The following GNAQ variants were observed in gnomAD, a reference collection of about 807,000 sequenced individuals.
GNAQ encodes G protein subunit alpha q.
GNAQ carries 8 observed loss-of-function variants against 43.9 expected under a neutral mutation model. The ratio of observed to expected loss-of-function variants is 0.18; its 90% CI spans 0.11 to 0.33. The LOEUF (loss-of-function observed/expected upper bound fraction) is 0.33. Among genes scored for constraint, GNAQ ranks in the 10% least tolerant of loss-of-function variants. GNAQ has a pLI of 1.00. For missense variants in GNAQ, 158 were observed against 450.8 expected (o/e 0.35, Z 5.88); for synonymous variants, 155 against 170.7 (o/e 0.91, Z 0.71).
rs538799795 is a variant in GNAQ, at chr9:78,018,406, T to C, written c.136+12694A>G. Among the ~76,000 whole-genome samples the C allele has an allele frequency of 2.0e-5, 3 of 152,298 alleles. No individual in the cohort carries two copies. The East Asian group carries it at 5.8e-4, about 29-fold the overall frequency. ...TTAGTTTAGACTGGTATATTTTTGATAAATTTATGAATATTTTAAAAAGTT... is the reference window on the plus strand; with the variant it reads ...TTAGTTTAGACTGGTATATTTTTGACAAATTTATGAATATTTTAAAAAGTT... On this transcript the variant is annotated intron_variant, in intron 1 of 6. Coordinates refer to ENST00000286548, the MANE Select transcript of GNAQ (RefSeq NM_002072.5).
chr9:77,891,876 A>T (rs180834125), intron 2 of GNAQ, among the ~76,000 whole-genome samples: 36 of 152,210 alleles, frequency 2.4e-4, no homozygotes, highest in Admixed American at 2.0e-3. Flanking sequence ...TAAGCAACTA[A>T]TCCTTGTGGA....
At chr9:77,802,025 G>A (rs1255519801) in intron 3 of GNAQ, among the ~76,000 whole-genome samples, 1 of 151,940 alleles carries the variant, frequency 6.6e-6, no homozygotes, top group Non-Finnish European at 1.5e-5. Flanking sequence ...AAATTAACTG[G>A]GTGTGGTGAT....
At chr9:77,945,058 T>C (rs1276347341) in intron 1 of GNAQ, among the ~76,000 whole-genome samples, 1 of 152,150 alleles carries the variant, frequency 6.6e-6, no homozygotes, top group African/African-American at 2.4e-5. Flanking sequence ...ACAGTGCAAC[T>C]TCCTTATTTG....
chr9:78,017,673 T>G (rs556070017), intron 1 of GNAQ, among the ~76,000 whole-genome samples: 7 of 152,286 alleles, frequency 4.6e-5, no homozygotes, highest in African/African-American at 1.7e-4. Flanking sequence ...GATCAACAGT[T>G]TTGGCTTGAT....
chr9:77,926,653 T>C (rs1430689945), intron 1 of GNAQ, among the ~76,000 whole-genome samples: 1 of 152,190 alleles, frequency 6.6e-6, no homozygotes, highest in Non-Finnish European at 1.5e-5. Context: ...AGTCATTTAA[T>C]AACTTTAACA....
At chr9:77,940,565 AC>A (rs1205886419) in intron 1 of GNAQ, among the ~76,000 whole-genome samples, 1 of 148,066 alleles carries the variant, frequency 6.8e-6, no homozygotes, top group African/African-American at 2.5e-5. Context: ...AGCGACAGAG[AC>A]CCTGTCTCTT....
intron 2 of GNAQ, among the ~76,000 whole-genome samples, chr9:77,881,281 G>A (rs1222464474): frequency 1.3e-5 from 2 of 152,238 alleles, no homozygotes; most frequent in African/African-American, 4.8e-5. Context: ...CCATTGTCTG[G>A]TTTGTTCACT....
chr9:77,811,991 AGGT>A (rs1826935539), intron 3 of GNAQ, among the ~76,000 whole-genome samples: 1 of 152,206 alleles, frequency 6.6e-6, no homozygotes, highest in South Asian at 2.1e-4. Context: ...AGGTGACCAA[AGGT>A]GACAGGTCCC....
chr9:77,936,771 C>T (rs1829239337), intron 1 of GNAQ, among the ~76,000 whole-genome samples: 1 of 152,290 alleles, frequency 6.6e-6, no homozygotes, highest in East Asian at 1.9e-4. Flanking sequence ...TGTAGCCTAA[C>T]GCTGACCCTA....
intron 2 of GNAQ, among the ~76,000 whole-genome samples, chr9:77,861,734 G>A (rs902061718): frequency 2.6e-5 from 4 of 152,182 alleles, no homozygotes; most frequent in Non-Finnish European, 5.9e-5. Context: ...CAGGCATGGT[G>A]GCTCACGCCT....
intron 6 of GNAQ, among the ~76,000 whole-genome samples, chr9:77,722,755 C>G (rs1200511717): frequency 1.3e-5 from 2 of 148,514 alleles, no homozygotes; most frequent in Non-Finnish European, 3.0e-5. Flanking sequence ...CTTCTGGGTT[C>G]AAGTGATCCT....
At chr9:77,821,178 T>C (rs1827107602) in intron 2 of GNAQ, among the ~76,000 whole-genome samples, 1 of 152,142 alleles carries the variant, frequency 6.6e-6, no homozygotes. Flanking sequence ...TATCATTAGA[T>C]TTTTATTTTT....
At chr9:77,868,416 T>C (rs914387346) in intron 2 of GNAQ, among the ~76,000 whole-genome samples, 2 of 152,210 alleles carry the variant, frequency 1.3e-5, no homozygotes, top group African/African-American at 4.8e-5. Flanking sequence ...GGACTTACCT[T>C]TAATAAGGAA....
chr9:77,975,994 T>C (rs569899020), intron 1 of GNAQ, among the ~76,000 whole-genome samples: 11 of 152,192 alleles, frequency 7.2e-5, no homozygotes, highest in Non-Finnish European at 1.0e-4. Flanking sequence ...TGTTAAACAG[T>C]TTGTTTTAAA....
chr9:77,969,279 T>C (rs927860804), intron 1 of GNAQ, among the ~76,000 whole-genome samples: 1 of 152,210 alleles, frequency 6.6e-6, no homozygotes, highest in Non-Finnish European at 1.5e-5. Flanking sequence ...TGTGATTCCC[T>C]GTAATTTTCT....
chr9:77,804,727 C>T (rs1203676703), intron 3 of GNAQ, among the ~76,000 whole-genome samples: 3 of 152,090 alleles, frequency 2.0e-5, no homozygotes, highest in African/African-American at 2.4e-5. Context: ...TCTTTGACCC[C>T]TATGTAAGGG....
chr9:77,949,523 C>T (rs192492036), intron 1 of GNAQ, among the ~76,000 whole-genome samples: 2 of 152,106 alleles, frequency 1.3e-5, no homozygotes, highest in African/African-American at 2.4e-5. Context: ...TAGTGCCGGC[C>T]ACACAAGTCC....
At chr9:77,725,418 G>A (rs1313777666) in intron 6 of GNAQ, among the ~76,000 whole-genome samples, 2 of 152,082 alleles carry the variant, frequency 1.3e-5, no homozygotes, top group African/African-American at 4.8e-5. Flanking sequence ...TCACTGCAGA[G>A]TGGGCCTCAA....
intron 1 of GNAQ, among the ~76,000 whole-genome samples, chr9:78,021,899 C>T (rs906090585): frequency 2.0e-5 from 3 of 152,240 alleles, no homozygotes; most frequent in East Asian, 3.8e-4. Flanking sequence ...TGGAACACTG[C>T]GTCTCTCGGG....
Sources: gnomAD v4.1 joint callset for allele counts (sites outside exome capture counted in the v4.1 genomes callset) on GRCh38, gnomAD v4.1.1 for gene constraint, MANE v1.5 for transcripts, NCBI Gene and HGNC (gene_info 2026-07-23, HGNC 2026-07-21) for gene names.